The following NGEF variants were observed in gnomAD, a reference collection of about 807,000 sequenced individuals.
The protein encoded by NGEF is neuronal guanine nucleotide exchange factor.
NGEF carries 31 observed loss-of-function variants against 80.9 expected under a neutral mutation model. That is an observed-to-expected ratio of 0.38 (90% confidence interval 0.29 to 0.52). The LOEUF is 0.52. NGEF is among the 20% of genes least tolerant of loss of function. The pLI is 0.84. For synonymous variants in NGEF, 371 were observed against 370.2 expected (o/e 1.00, Z -0.03); for missense variants, 709 against 926.2 (o/e 0.77, Z 3.04).
chr2:232,926,996 G>A, intron 4 of NGEF, 48 bp downstream of exon 4: 1 of 1,613,362 alleles, frequency 6.2e-7, no homozygotes, highest in Non-Finnish European at 8.5e-7. Context: ...GAGTCCTCCA[G>A]GGACCCGCGT....
chr2:232,911,782 TTTTAA>T, intron 5 of NGEF, among the ~76,000 whole-genome samples: 1 of 152,330 alleles, frequency 6.6e-6, no homozygotes, highest in African/African-American at 2.4e-5. Context: ...AATGGTATAA[TTTTAA>T]TTTGTTTCTA....
chr2:232,958,298 C>T (rs897129351), intron 3 of NGEF, among the ~76,000 whole-genome samples: 10 of 152,118 alleles, frequency 6.6e-5, no homozygotes, highest in Non-Finnish European at 1.5e-5. Flanking sequence ...TGTACTTCTG[C>T]TAGAGCTGCA....
intron 1 of NGEF, among the ~76,000 whole-genome samples, chr2:232,981,095 G>A (rs1694407210): frequency 6.6e-6 from 1 of 150,938 alleles, no homozygotes; most frequent in Non-Finnish European, 1.5e-5. Context: ...AGGAGAAGGT[G>A]GAAAACAAGA....
At chr2:232,958,775 A>G (rs1395417588) in intron 3 of NGEF, among the ~76,000 whole-genome samples, 1 of 152,206 alleles carries the variant, frequency 6.6e-6, no homozygotes, top group African/African-American at 2.4e-5. Context: ...AAAATTTCAA[A>G]CATATACTGA....
chr2:233,001,415 T>C (rs1694975577), intron 1 of NGEF, among the ~76,000 whole-genome samples: 1 of 151,978 alleles, frequency 6.6e-6, no homozygotes, highest in Non-Finnish European at 1.5e-5. Flanking sequence ...CACGGGCCCA[T>C]AGGTAGGGGG....
chr2:232,928,245 GC>G, intron 3 of NGEF: 1 of 861,160 alleles, frequency 1.2e-6, no homozygotes, highest in Non-Finnish European at 1.4e-6. Context: ...AGGCCGGGCG[GC>G]GGCGGGGCGG....
chr2:232,998,821 C>T (rs770008493), intron 1 of NGEF, among the ~76,000 whole-genome samples: 17 of 152,142 alleles, frequency 1.1e-4, no homozygotes, highest in Non-Finnish European at 1.8e-4. Context: ...GACTCCGGGC[C>T]AGGTCTCCCT....
chr2:232,907,276 C>T (rs1188738331), intron 5 of NGEF, among the ~76,000 whole-genome samples: 2 of 150,186 alleles, frequency 1.3e-5, no homozygotes, highest in Non-Finnish European at 2.9e-5. Context: ...TACCAAAAGG[C>T]CATCATTATA....
chr2:232,937,763 G>A (rs1165388046), intron 3 of NGEF, among the ~76,000 whole-genome samples: 1 of 152,160 alleles, frequency 6.6e-6, no homozygotes, highest in African/African-American at 2.4e-5. Context: ...ATCAGCTTTT[G>A]CTTGGTATCC....
Position 232,974,916 on chromosome 2 carries a change from C to T in NGEF, c.-26G>A, listed in dbSNP as rs750910860. ...GGAAATAGAGCCAGATGTTTCTCAGCAGAACGACTGGAGGTCAATGACTTT... is the reference window on the plus strand; with the variant it reads ...GGAAATAGAGCCAGATGTTTCTCAGTAGAACGACTGGAGGTCAATGACTTT... On this transcript the variant is annotated 5_prime_UTR_variant, in exon 2 of 15. Coordinates refer to ENST00000264051, the MANE Select transcript of NGEF (RefSeq NM_019850.3). 8.7e-6 allele frequency: 14 copies of T among 1,605,526 alleles called. No individual in the cohort carries two copies. The Admixed American group carries it at 2.0e-4, about 23-fold the overall frequency.
At chr2:232,901,502 C>T (rs1471944063) in intron 5 of NGEF, 4 of 931,270 alleles carry the variant, frequency 4.3e-6, no homozygotes, top group African/African-American at 3.6e-5. Flanking sequence ...ACCTTCGATG[C>T]GTTGTTGCAG....
intron 4 of NGEF, among the ~76,000 whole-genome samples, chr2:232,922,324 T>C (rs1368532875): frequency 6.6e-6 from 1 of 152,216 alleles, no homozygotes; most frequent in Non-Finnish European, 1.5e-5. Context: ...AACAGGAAGC[T>C]AGTAAGGCCG....
At chr2:232,881,327 G>A in intron 13 of NGEF, 77 bp from the exon 14 acceptor site, 2 of 1,133,146 alleles carry the variant, frequency 1.8e-6, no homozygotes, top group Non-Finnish European at 2.6e-6. Context: ...CCGCAGCTGA[G>A]CCCTGCCTAG....
chr2:232,893,035 C>G lies in NGEF; in HGVS notation c.1005G>C (p.Leu335=). ...CGATGTTCTCCTCCATCCGGTGCTC[C>G]AGCTCCAGGAGGAACCTACGAGAGG... ...LAVSERFLLE[L]EHRMEENIVI... The change falls in exon 7 of 15, where the codon CTG becomes CTC. Residue 335 remains leucine (L), a synonymous_variant. Coordinates refer to ENST00000264051, the MANE Select transcript of NGEF (RefSeq NM_019850.3). The G allele has an allele frequency of 6.2e-7, 1 of 1,612,572 alleles. No homozygotes were observed. Among genetic ancestry groups the G allele is most frequent in the African/African-American group, 1.3e-5 (1 of 75,044 alleles).
At chr2:232,906,285 G>A (rs1446818639) in intron 5 of NGEF, among the ~76,000 whole-genome samples, 4 of 126,554 alleles carry the variant, frequency 3.2e-5, no homozygotes, top group South Asian at 2.6e-4. Flanking sequence ...CTGCCCGGCA[G>A]CCCCTACTGG....
intron 11 of NGEF, 79 bp downstream of exon 11, chr2:232,883,902 C>A (rs1161241858): frequency 7.0e-7 from 1 of 1,432,266 alleles, no homozygotes; most frequent in Non-Finnish European, 9.3e-7. Context: ...CACCCCCAAC[C>A]CCCAGGCCAC....
intron 3 of NGEF, among the ~76,000 whole-genome samples, chr2:232,953,704 T>C (rs1429022414): frequency 6.6e-6 from 1 of 152,006 alleles, no homozygotes; most frequent in Non-Finnish European, 1.5e-5. Flanking sequence ...CTATGGAGCA[T>C]AACTGAGGTG....
intron 1 of NGEF, among the ~76,000 whole-genome samples, chr2:232,979,946 C>A (rs1015680138): frequency 6.6e-6 from 1 of 151,964 alleles, no homozygotes; most frequent in African/African-American, 2.4e-5. Flanking sequence ...AATTACTCCA[C>A]TTTATAGATG....
rs1003390789 is a variant in NGEF at position 232,892,235 on chromosome 2, T to C, written c.1142+663A>G. ...AGACTCAGGCTTGAAACGTGCACCA[T>C]GAACTCCATGTCTTGGTGGAAAAGC... On this transcript the variant is annotated intron_variant, in intron 7 of 14. Coordinates refer to ENST00000264051, the MANE Select transcript of NGEF (RefSeq NM_019850.3). This position sits in a 1 kb window ranked among gnomAD's most constrained non-coding sequence, Gnocchi z 4.0. Among the ~76,000 whole-genome samples the C allele has an allele frequency of 6.6e-6, 1 of 152,094 alleles. No homozygotes were observed. The highest frequency in any genetic ancestry group is 1.5e-5 in the Non-Finnish European group (1 of 68,020).
Sources: allele counts gnomAD v4.1 joint callset (sites outside exome capture counted in the v4.1 genomes callset), GRCh38; gene constraint gnomAD v4.1.1; non-coding constraint Gnocchi (gnomAD v3.1); transcripts MANE v1.5; gene names NCBI Gene and HGNC (gene_info 2026-07-23, HGNC 2026-07-21).